MICAL2: variants seen among roughly 807,000 people sequenced by gnomAD.
MICAL2 encodes [F-actin]-monooxygenase MICAL2.
In MICAL2, 77 loss-of-function variants were observed where a neutral mutation model predicts 127.3. The observed-to-expected ratio is 0.60, with a 90% CI of 0.50 to 0.73. The LOEUF is 0.73. Ranked by LOEUF, MICAL2 falls within the 30% of genes least tolerant of loss-of-function variation. The pLI is 0.00. For synonymous variants in MICAL2, 570 were observed against 551.1 expected (o/e 1.03, Z -0.48); for missense variants, 1,351 against 1,434.4 (o/e 0.94, Z 0.94).
At chr11:12,287,003 T>C (rs1025475698) in intron 2 of MICAL2, 32 of 398,552 alleles carry the variant, frequency 8.0e-5, no homozygotes, top group Admixed American at 1.3e-4. Context: ...AATTGAGCTA[T>C]AGGAGATAAA....
At chr11:12,156,209 G>A (rs1415867043) in intron 2 of MICAL2, among the ~76,000 whole-genome samples, 2 of 152,182 alleles carry the variant, frequency 1.3e-5, no homozygotes, top group African/African-American at 4.8e-5. Flanking sequence ...TGGAAACTTG[G>A]TTGAGCTTCG....
At chr11:12,134,303 A>T (rs760111827) in intron 1 of MICAL2, among the ~76,000 whole-genome samples, 3 of 151,854 alleles carry the variant, frequency 2.0e-5, no homozygotes, top group Non-Finnish European at 4.4e-5. Flanking sequence ...AGCTATCTGG[A>T]TTTTTTTTCT....
intron 1 of MICAL2, among the ~76,000 whole-genome samples, chr11:12,138,077 C>T (rs976996536): frequency 1.3e-5 from 2 of 152,236 alleles, no homozygotes; most frequent in Non-Finnish European, 2.9e-5. Flanking sequence ...TTTACTAAAG[C>T]AGCGAATAAA....
intron 33 of MICAL2, among the ~76,000 whole-genome samples, chr11:12,351,261 A>G (rs1414767403): frequency 6.6e-6 from 1 of 152,180 alleles, no homozygotes; most frequent in East Asian, 1.9e-4. Context: ...ACCTAATCAC[A>G]AAAGGTAGTA....
intron 30 of MICAL2, among the ~76,000 whole-genome samples, chr11:12,321,531 G>C (rs1222961362): frequency 6.6e-6 from 1 of 152,194 alleles, no homozygotes; most frequent in Non-Finnish European, 1.5e-5. Context: ...AGACGCAGCA[G>C]CTTGTCTTTG....
downstream of MICAL2, among the ~76,000 whole-genome samples, chr11:12,288,210 C>T (rs1414850106): frequency 3.3e-5 from 5 of 152,254 alleles, no homozygotes; most frequent in Non-Finnish European, 7.3e-5. Context: ...CCCCCAGCGG[C>T]GACAGCAGAG....
chr11:12,229,949 A>G (rs1857999079), intron 15 of MICAL2, among the ~76,000 whole-genome samples: 1 of 152,144 alleles, frequency 6.6e-6, no homozygotes, highest in Non-Finnish European at 1.5e-5. Flanking sequence ...ATAGGTAGAG[A>G]TATTTGGCCA....
chr11:12,255,550 C>A, intron 22 of MICAL2, 93 bp from the exon 23 acceptor site: 1 of 1,086,712 alleles, frequency 9.2e-7, no homozygotes, highest in South Asian at 1.4e-5. Flanking sequence ...GGGTGAGGAG[C>A]CCTCTCCCCA....
chr11:12,350,082 G>T, intron 33 of MICAL2: 2 of 623,316 alleles, frequency 3.2e-6, no homozygotes, highest in Non-Finnish European at 5.7e-6. Flanking sequence ...TTTATGTCTT[G>T]CATATCATGC....
intron 25 of MICAL2, 95 bp downstream of exon 25, chr11:12,258,651 G>A (rs1862661608): frequency 9.1e-7 from 1 of 1,095,008 alleles, no homozygotes; most frequent in African/African-American, 1.6e-5. Flanking sequence ...GCTGGCCCTA[G>A]AGGGATTGAG....
chr11:12,323,230 A>G (rs887009668), intron 30 of MICAL2, among the ~76,000 whole-genome samples: 1 of 152,234 alleles, frequency 6.6e-6, no homozygotes, highest in African/African-American at 2.4e-5. Flanking sequence ...TTTTTTTAAC[A>G]AGCACAGGTA....
chr11:12,277,084 C>A (rs145994026), intron 1 of MICAL2, among the ~76,000 whole-genome samples: 119 of 151,850 alleles, frequency 7.8e-4, no homozygotes, highest in Middle Eastern at 3.4e-3. Context: ...GTAAGCCAAC[C>A]CTGACCAAGT....
At chr11:12,187,661 A>G (rs1008047694) in intron 3 of MICAL2, among the ~76,000 whole-genome samples, 2 of 152,162 alleles carry the variant, frequency 1.3e-5, no homozygotes, top group African/African-American at 2.4e-5. Flanking sequence ...GCCCTGTGTC[A>G]GCAGCTGCTG....
chr11:12,304,690 ACAC>A (rs879276458), intron 29 of MICAL2, among the ~76,000 whole-genome samples: 1,872 of 147,362 alleles, frequency 0.013, 18 homozygotes, highest in Middle Eastern at 0.031. Flanking sequence ...ACACACACAC[ACAC>A]AAAACATTCT....
intron 21 of MICAL2, among the ~76,000 whole-genome samples, chr11:12,248,563 C>T (rs913664044): frequency 2.0e-5 from 3 of 152,238 alleles, no homozygotes; most frequent in African/African-American, 7.2e-5. Flanking sequence ...GGGGCCTTCA[C>T]TGGGCTGGGA....
intron 21 of MICAL2, among the ~76,000 whole-genome samples, chr11:12,245,861 G>T (rs1361233735): frequency 1.3e-5 from 2 of 152,232 alleles, no homozygotes; most frequent in Non-Finnish European, 2.9e-5. Context: ...ACGGGAAAAG[G>T]TCATGGCACC....
intron 15 of MICAL2, 161 bp downstream of exon 15, chr11:12,227,292 T>C: frequency 1.7e-6 from 1 of 593,010 alleles, no homozygotes; most frequent in Non-Finnish European, 3.0e-6. Flanking sequence ...TGAGTGTTTT[T>C]GGAAGTTCTT....
At position 12,221,629 on chromosome 11, in the gene MICAL2, C is replaced by A. The variant is rs543356461; in HGVS notation, c.1207-15C>A. 1 of 1,586,952 alleles carries A rather than the reference C, an allele frequency of 6.3e-7. No homozygotes were observed. Among genetic ancestry groups the A allele is most frequent in the Non-Finnish European group, 8.6e-7 (1 of 1,158,188 alleles). ...CATCAGAATCAACTGGAATTTTGCA[C>A]GTTTTCTTTTGCAGCCATTTTGGCC... On this transcript the variant is annotated splice_polypyrimidine_tract_variant and intron_variant, in intron 9 of 27. Coordinates refer to ENST00000683283, the MANE Select transcript of MICAL2 (RefSeq NM_001282663.2).
At chr11:12,307,846 C>T (rs79854483) in intron 29 of MICAL2, among the ~76,000 whole-genome samples, 5,119 of 152,218 alleles carry the variant, frequency 0.034, 168 homozygotes, top group Admixed American at 0.1. Flanking sequence ...TAAAAGCACA[C>T]TTTCTTGATT....
Sources: allele counts gnomAD v4.1 joint callset (sites outside exome capture counted in the v4.1 genomes callset), GRCh38; gene constraint gnomAD v4.1.1; transcripts MANE v1.5; gene names NCBI Gene and HGNC (gene_info 2026-07-23, HGNC 2026-07-21).